Variants in PRKCZ observed in about 807,000 individuals in gnomAD.
PRKCZ encodes the protein protein kinase C zeta.
PRKCZ carries 33 observed loss-of-function variants against 79.5 expected under a neutral mutation model. The ratio of observed to expected loss-of-function variants is 0.41; its 90% CI spans 0.31 to 0.55. The LOEUF is 0.55. Among genes scored for constraint, PRKCZ ranks in the 20% least tolerant of loss-of-function variants. The pLI, the probability that PRKCZ is intolerant of heterozygous loss-of-function variation, is 0.19. For missense variants in PRKCZ, 578 were observed against 813.5 expected (o/e 0.71, Z 3.52); for synonymous variants, 342 against 320.9 (o/e 1.07, Z -0.70).
At chr1:2,133,450 C>G (rs1013246791) in intron 4 of PRKCZ, among the ~76,000 whole-genome samples, 2 of 149,812 alleles carry the variant, frequency 1.3e-5, no homozygotes, top group Non-Finnish European at 3.0e-5. Context: ...GTGCGTCCTT[C>G]CCTCAGCTCT....
At chr1:2,113,323 C>T (rs866618831) in intron 4 of PRKCZ, among the ~76,000 whole-genome samples, 8 of 152,344 alleles carry the variant, frequency 5.3e-5, no homozygotes, top group East Asian at 1.9e-4. Context: ...ACGTTCTCTT[C>T]GGTGGGCTGC....
chr1:2,051,542 G>A lies in PRKCZ; in HGVS notation c.71+841G>A, dbSNP rs117390912. Among the ~76,000 whole-genome samples, 630 of 152,364 alleles carry A rather than the reference G, an allele frequency of 4.1e-3. 22 individuals carry two copies. In the East Asian group the frequency reaches 0.087, roughly 21 times the overall value. ...GAGGGTGGCTGCTGCTGCAGAGAGGGAGGGGAGCAGAATGCGGGCTCCGGA... is the reference window on the plus strand; with the variant it reads ...GAGGGTGGCTGCTGCTGCAGAGAGGAAGGGGAGCAGAATGCGGGCTCCGGA... On this transcript the variant is annotated intron_variant, in intron 1 of 17. Transcript: ENST00000378567.
rs78546852 is a variant in PRKCZ, at chr1:2,097,507, G to A, written c.335-37755G>A. On this transcript the variant is annotated intron_variant, in intron 4 of 17. Coordinates refer to ENST00000378567, the MANE Select transcript of PRKCZ (RefSeq NM_002744.6). ...TTCCTTACCTGCCCTTGGACCCGGT[G>A]AGCCAGTGACTGGCGTAGGCTTTCA... 2.2e-3 allele frequency among the ~76,000 whole-genome samples: 339 copies of A among 152,332 alleles called. 1 individual carries two copies. The highest frequency in any genetic ancestry group is 7.6e-3 in the African/African-American group (317 of 41,584).
At chr1:2,076,088 GC>G (rs1033367958) in intron 4 of PRKCZ, among the ~76,000 whole-genome samples, 4 of 152,218 alleles carry the variant, frequency 2.6e-5, no homozygotes, top group African/African-American at 9.6e-5. Context: ...CTGTCACAGG[GC>G]CAGGCCCCTG....
intron 4 of PRKCZ, among the ~76,000 whole-genome samples, chr1:2,089,929 G>C (rs750103096): frequency 1.3e-5 from 2 of 152,120 alleles, no homozygotes; most frequent in African/African-American, 4.8e-5. Context: ...TTTATTCTCT[G>C]TCTGGAGACC....
intron 9 of PRKCZ, among the ~76,000 whole-genome samples, chr1:2,151,862 G>C (rs1030042300): frequency 6.6e-6 from 1 of 151,910 alleles, no homozygotes; most frequent in Non-Finnish European, 1.5e-5. Context: ...GTCTCATTCT[G>C]TTACCCAGGC....
At chr1:2,160,301 T>A (rs1681983875) in intron 10 of PRKCZ, among the ~76,000 whole-genome samples, 1 of 151,488 alleles carries the variant, frequency 6.6e-6, no homozygotes, top group East Asian at 1.9e-4. Flanking sequence ...TGCCCGAAGC[T>A]CTGGAGAGGG....
At chr1:2,098,847 A>G (rs941682619) in intron 4 of PRKCZ, among the ~76,000 whole-genome samples, 5 of 151,862 alleles carry the variant, frequency 3.3e-5, no homozygotes, top group African/African-American at 1.2e-4. Flanking sequence ...ACAGTTGGCT[A>G]ATTTTTTGTA....
intron 5 of PRKCZ, among the ~76,000 whole-genome samples, chr1:2,139,555 C>G (rs892275107): frequency 6.6e-6 from 1 of 152,140 alleles, no homozygotes; most frequent in African/African-American, 2.4e-5. Context: ...CACCACTGCA[C>G]TCCAGCCTGG....
In PRKCZ at chr1:2,139,391, C is replaced by G. The variant is rs1239836793; in HGVS notation, c.420+4044C>G. On this transcript the variant is annotated intron_variant, in intron 5 of 17. Transcript: ENST00000378567. ...GATCACGAGGTCAGCAGTTCAAGAC[C>G]AGCCTGGCCAAGTTGGTGAAACCCC... is the stretch of plus-strand genomic sequence containing the variant. Among the ~76,000 whole-genome samples, 63 of 152,096 alleles carry G rather than the reference C, an allele frequency of 4.1e-4. 2 individuals are homozygous for G. The highest frequency in any genetic ancestry group is 4.1e-3 in the Admixed American group (63 of 15,272).
intron 3 of PRKCZ, among the ~76,000 whole-genome samples, chr1:2,056,910 T>C (rs1005469898): frequency 6.6e-5 from 10 of 151,848 alleles, no homozygotes; most frequent in African/African-American, 2.4e-4. Flanking sequence ...TTGTATTTTT[T>C]GTAGAGACGG....
Position 2,127,946 on chromosome 1 carries a change from A to G in PRKCZ, c.335-7316A>G, listed in dbSNP as rs755185052. 1.1e-4 allele frequency among the ~76,000 whole-genome samples: 17 copies of G among 152,088 alleles called. 1 individual carries two copies. Among genetic ancestry groups the G allele is most frequent in the South Asian group, 8.3e-4 (4 of 4,824 alleles). Reference sequence around the variant, plus strand: ...CGGTCATTGCTGTTCTTGTGTCTCTATTTGCCTAGGACATGCTGGCAGCTA... The same window carrying G: ...CGGTCATTGCTGTTCTTGTGTCTCTGTTTGCCTAGGACATGCTGGCAGCTA... On this transcript the variant is annotated intron_variant, in intron 4 of 17. Transcript: ENST00000378567. This position sits in a 1 kb window ranked among gnomAD's most constrained non-coding sequence, Gnocchi z 5.1.
chr1:2,079,773 G>A (rs1346475198), intron 4 of PRKCZ, among the ~76,000 whole-genome samples: 1 of 152,088 alleles, frequency 6.6e-6, no homozygotes, highest in African/African-American at 2.4e-5. Flanking sequence ...TTTTGTGTTT[G>A]TCCTGGCCTT....
In PRKCZ at chr1:2,141,993, C is replaced by T. The variant is rs1391689155; in HGVS notation, c.421-2217C>T. 8 of 117,808 alleles carry T rather than the reference C, an allele frequency of 6.8e-5. No homozygotes were observed. The South Asian group carries it at 8.0e-4, about 12-fold the overall frequency. The allele number at this position is 117,808 out of a possible 1,614,324, so 7.3% of individuals were successfully genotyped here. ...CTCCAGGGTCCACACATCCAGCAGCCGAAGCGCCTCTTTTCACTCCAGGGT... is the reference window on the plus strand; with the variant it reads ...CTCCAGGGTCCACACATCCAGCAGCTGAAGCGCCTCTTTTCACTCCAGGGT... On this transcript the variant is annotated intron_variant, in intron 5 of 17. Transcript: ENST00000378567.
chr1:2,075,086 G>T lies in PRKCZ; in HGVS notation c.334+15495G>T. ...GACGCAGGGCTGCTCCGCACAGCCA[G>T]CTTGGGCCGCAGGGGTCCTTGAGTG... On this transcript the variant is annotated intron_variant, in intron 4 of 17. Coordinates refer to ENST00000378567, the MANE Select transcript of PRKCZ (RefSeq NM_002744.6). This position sits in a 1 kb window ranked among gnomAD's most constrained non-coding sequence, Gnocchi z 4.8. The T allele has an allele frequency of 6.6e-6, 1 of 152,398 alleles. No individual in the cohort carries two copies. The highest frequency in any genetic ancestry group is 1.5e-5 in the Non-Finnish European group (1 of 68,096). The allele number at this position is 152,398 out of a possible 1,614,324, so 9.4% of individuals were successfully genotyped here. A position where few individuals can be genotyped will look rare whatever the true frequency, so the allele number is the denominator to read the frequency against.
At chr1:2,096,556 G>A (rs1021458352) in intron 4 of PRKCZ, among the ~76,000 whole-genome samples, 2 of 152,212 alleles carry the variant, frequency 1.3e-5, no homozygotes, top group African/African-American at 4.8e-5. Flanking sequence ...GTTGTGAGCA[G>A]TGCAGATGCT....
In PRKCZ at chr1:2,184,698, A is replaced by G. The variant is rs1445108003; in HGVS notation, c.1691A>G (p.Glu564Gly). Residue 564 changes from glutamate (E) to glycine (G), a missense_variant and splice_region_variant, in exon 17 of 18, where the codon GAG (glutamate) becomes GGG (glycine). Physicochemically the swap from Glu to Gly is moderately conservative, Grantham distance 98. Transcript: ENST00000378567. ...SEPVQLTPDD[E>G]DAIKRIDQSE... ...CCCGTGCAGCTGACCCCAGACGATG[A>G]GTGAGTCCCACTGGGTGCGGGTCCC... 6.2e-7 allele frequency: 1 copy of G among 1,612,218 alleles called. No individual in the cohort carries two copies. Among genetic ancestry groups the G allele is most frequent in the Non-Finnish European group, 8.5e-7 (1 of 1,179,152 alleles).
chr1:2,184,908 A>G lies in PRKCZ; in HGVS notation c.1692-14A>G, dbSNP rs200015308. 3.0e-5 allele frequency: 49 copies of G among 1,606,664 alleles called. No individual in the cohort carries two copies. In the African/African-American group the frequency reaches 5.7e-4, roughly 19 times the overall value. On this transcript the variant is annotated splice_polypyrimidine_tract_variant and intron_variant, in intron 17 of 17. Transcript: ENST00000378567. ...CACGGTCACCCCCCTCCCCCCTGCC[A>G]CCTTTGCCCACAGGGATGCCATAAA...
rs770608199 is a variant in PRKCZ at position 2,184,712 on chromosome 1, G to C, written c.1691+14G>C. The C allele has an allele frequency of 3.1e-6, 5 of 1,607,902 alleles. No homozygotes were observed. The Admixed American group carries it at 8.4e-5, about 27-fold the overall frequency. ...CCCAGACGATGAGTGAGTCCCACTG[G>C]GTGCGGGTCCCTGGAGCACCCCTCG... On this transcript the variant is annotated intron_variant, in intron 17 of 17. Transcript: ENST00000378567.
Sources: allele counts gnomAD v4.1 joint callset (sites outside exome capture counted in the v4.1 genomes callset), GRCh38; gene constraint gnomAD v4.1.1; non-coding constraint Gnocchi (gnomAD v3.1); transcripts MANE v1.5; gene names NCBI Gene and HGNC (gene_info 2026-07-23, HGNC 2026-07-21).